NFATC2: variants seen among roughly 807,000 people sequenced by gnomAD.
NFATC2 encodes nuclear factor of activated T cells 2.
In NFATC2, 22 loss-of-function variants were observed where a neutral mutation model predicts 87.3. That is an observed-to-expected ratio of 0.25 (90% confidence interval 0.18 to 0.36). The LOEUF (loss-of-function observed/expected upper bound fraction) is 0.36, where lower values mean the gene tolerates loss of function less well. Among genes scored for constraint, NFATC2 ranks in the 10% least tolerant of loss-of-function variants. The pLI is 1.00. For synonymous variants in NFATC2, 565 were observed against 542.2 expected, an observed-to-expected ratio of 1.04 and a Z score of -0.58; for missense variants, 1,149 against 1,259.1, an observed-to-expected ratio of 0.91 and a Z score of 1.32.
intron 9 of NFATC2, among the ~76,000 whole-genome samples, chr20:51,411,009 G>A (rs1600679278): frequency 6.6e-6 from 1 of 152,190 alleles, no homozygotes; most frequent in Non-Finnish European, 1.5e-5. Context: ...TAATGATAGT[G>A]GTGGCAGTGG....
In NFATC2 at chr20:51,432,830, G is replaced by C. The variant is rs1007088500; in HGVS notation, c.2033-74C>G. The C allele has an allele frequency of 3.7e-6, 5 of 1,351,732 alleles. No individual in the cohort carries two copies. In the African/African-American group the frequency reaches 7.4e-5, roughly 20 times the overall value. The allele number at this position is 1,351,732 out of a possible 1,614,324, so 83.7% of individuals were successfully genotyped here. On this transcript the variant is annotated intron_variant, in intron 8 of 10. Transcript: ENST00000371564. This position sits in a 1 kb window ranked among gnomAD's most constrained non-coding sequence, Gnocchi z 4.6. The stretch of plus-strand genomic sequence containing the variant: ...GATGTGCACGGAGGATTCGTGGATG[G>C]TGCTTGAGAACATGGCCTTGGGAGT...
rs1986186475 is a variant in NFATC2, at chr20:51,454,535, A to C, written c.1849+13T>G. 6.2e-7 allele frequency: 1 copy of C among 1,613,460 alleles called. No homozygotes were observed. The highest frequency in any genetic ancestry group is 1.3e-5 in the African/African-American group (1 of 74,920). ...TTCTGGGGGACAGAGAAAGAGCTCAAAAATCCACTGACCTGTGGTCTTCTC... is the reference window on the plus strand; with the variant it reads ...TTCTGGGGGACAGAGAAAGAGCTCACAAATCCACTGACCTGTGGTCTTCTC... On this transcript the variant is annotated intron_variant, in intron 6 of 10. Coordinates refer to ENST00000371564, the MANE Select transcript of NFATC2 (RefSeq NM_012340.5).
chr20:51,446,456 G>A (rs1985067683), intron 6 of NFATC2, among the ~76,000 whole-genome samples: 1 of 152,192 alleles, frequency 6.6e-6, no homozygotes, highest in African/African-American at 2.4e-5. Context: ...GGCCAATCCA[G>A]GCTTCAGGCC....
chr20:51,545,538 A>C (rs1333386287), upstream of NFATC2, among the ~76,000 whole-genome samples: 3 of 152,210 alleles, frequency 2.0e-5, no homozygotes, highest in East Asian at 5.8e-4. Flanking sequence ...TGGAGGATGG[A>C]TAAGTAGATG....
chr20:51,492,856 T>C (rs2075919451), intron 3 of NFATC2, among the ~76,000 whole-genome samples: 1 of 152,260 alleles, frequency 6.6e-6, no homozygotes, highest in South Asian at 2.1e-4. Flanking sequence ...GGGCTGGGCC[T>C]GTCAAGGCCA....
At chr20:51,451,258 G>A in intron 6 of NFATC2, among the ~76,000 whole-genome samples, 1 of 152,346 alleles carries the variant, frequency 6.6e-6, no homozygotes, top group South Asian at 2.1e-4. Flanking sequence ...CTGAGACGCA[G>A]AGGGGAAGGC....
chr20:51,562,721 G>A, upstream of NFATC2: 1 of 1,283,912 alleles, frequency 7.8e-7, no homozygotes, highest in Non-Finnish European at 1.1e-6. The surrounding 1 kb of genome is among the most constrained non-coding windows in gnomAD (Gnocchi z 5.8). Context: ...TCTACCGCGT[G>A]CCCGCGGGGC....
rs538730438 is a variant in NFATC2, at chr20:51,449,215, T to C, written c.1849+5333A>G. ...AGAGCCCTTGCTGGCCAAATGTCCATGGAGATGGGAACGGGGATGAGTTTT... is the reference window on the plus strand; with the variant it reads ...AGAGCCCTTGCTGGCCAAATGTCCACGGAGATGGGAACGGGGATGAGTTTT... On this transcript the variant is annotated intron_variant, in intron 6 of 10. Transcript: ENST00000371564. Among the ~76,000 whole-genome samples the C allele has an allele frequency of 3.3e-5, 5 of 152,174 alleles. No individual in the cohort carries two copies. In the South Asian group the frequency reaches 8.3e-4, roughly 25 times the overall value.
intron 2 of NFATC2, among the ~76,000 whole-genome samples, chr20:51,517,423 T>C (rs2076369568): frequency 6.6e-6 from 1 of 151,726 alleles, no homozygotes; most frequent in Admixed American, 6.6e-5. Context: ...ACCCTGTCTC[T>C]ACTAAAAATA....
chr20:51,411,504 C>A (rs996157522), intron 9 of NFATC2, among the ~76,000 whole-genome samples: 89 of 144,380 alleles, frequency 6.2e-4, no homozygotes, highest in Non-Finnish European at 1.2e-3. Context: ...GGTCCTGAAG[C>A]AATGCAATTG....
chr20:51,545,965 T>C (rs574527829), upstream of NFATC2, among the ~76,000 whole-genome samples: 1 of 152,274 alleles, frequency 6.6e-6, no homozygotes, highest in East Asian at 1.9e-4. Context: ...TTAAAATCCT[T>C]AGAGTTTTCT....
At chr20:51,471,415 C>G (rs1313425590) in intron 5 of NFATC2, among the ~76,000 whole-genome samples, 1 of 152,206 alleles carries the variant, frequency 6.6e-6, no homozygotes, top group African/African-American at 2.4e-5. Flanking sequence ...ATTTGATGGA[C>G]AGGAGTGGGG....
chr20:51,404,579 A>T (rs747762519), intron 9 of NFATC2, among the ~76,000 whole-genome samples: 4 of 152,262 alleles, frequency 2.6e-5, no homozygotes, highest in Non-Finnish European at 5.9e-5. Context: ...TCTTTCTATT[A>T]GCAGCAGCAG....
intron 10 of NFATC2, among the ~76,000 whole-genome samples, chr20:51,391,847 T>G (rs1248804362): frequency 6.6e-6 from 1 of 152,170 alleles, no homozygotes; most frequent in Non-Finnish European, 1.5e-5. Context: ...TTTGTTGTTG[T>G]TCCTTGTGCT....
At chr20:51,517,109 C>T (rs991754325) in intron 2 of NFATC2, among the ~76,000 whole-genome samples, 154 bp from the exon 3 acceptor site, 1 of 152,178 alleles carries the variant, frequency 6.6e-6, no homozygotes, top group Non-Finnish European at 1.5e-5. Flanking sequence ...ATTATGTGAA[C>T]ATCAGAGTGC....
chr20:51,417,503 C>T (rs1215897928), intron 9 of NFATC2, among the ~76,000 whole-genome samples: 1 of 152,214 alleles, frequency 6.6e-6, no homozygotes, highest in African/African-American at 2.4e-5. Flanking sequence ...CTTCCCCTCA[C>T]TCTCTTCCTC....
At chr20:51,500,982 C>A (rs2076080970) in intron 3 of NFATC2, among the ~76,000 whole-genome samples, 1 of 149,226 alleles carries the variant, frequency 6.7e-6, no homozygotes, top group African/African-American at 2.5e-5. Context: ...GAGTTCAACA[C>A]AAACACCTTA....
intron 1 of NFATC2, among the ~76,000 whole-genome samples, chr20:51,534,880 C>T (rs866724614): frequency 6.6e-6 from 1 of 152,192 alleles, no homozygotes; most frequent in African/African-American, 2.4e-5. Context: ...ATGTATATGT[C>T]TCACTTATTT....
At chr20:51,531,858 C>T (rs576726105) in intron 1 of NFATC2, among the ~76,000 whole-genome samples, 3 of 152,126 alleles carry the variant, frequency 2.0e-5, no homozygotes, top group African/African-American at 7.2e-5. Flanking sequence ...CCAACCCCTT[C>T]GAAAGCATTA....
Sources: allele counts gnomAD v4.1 joint callset (sites outside exome capture counted in the v4.1 genomes callset), GRCh38; gene constraint gnomAD v4.1.1; non-coding constraint Gnocchi (gnomAD v3.1); transcripts MANE v1.5; gene names NCBI Gene and HGNC (gene_info 2026-07-23, HGNC 2026-07-21).